Variants in ADGRL3 observed in about 807,000 individuals in gnomAD.
ADGRL3 encodes the protein adhesion G protein-coupled receptor L3, also known as calcium-independent alpha-latrotoxin receptor 3.
A neutral mutation model predicts 153.5 loss-of-function variants in ADGRL3; 62 were observed. The observed-to-expected ratio is 0.40, with a 90% confidence interval of 0.33 to 0.50. The LOEUF (loss-of-function observed/expected upper bound fraction) is 0.50, where lower values mean the gene tolerates loss of function less well. ADGRL3 is among the 20% of genes least tolerant of loss of function. The pLI, the probability that ADGRL3 is intolerant of heterozygous loss-of-function variation, is 0.47. For missense variants in ADGRL3, 1,641 were observed against 1,859.4 expected, an observed-to-expected ratio of 0.88 and a Z score of 2.16; for synonymous variants, 710 against 672.5, an observed-to-expected ratio of 1.06 and a Z score of -0.86.
chr4:61,863,876 A>T (rs577609964), intron 9 of ADGRL3, among the ~76,000 whole-genome samples: 3 of 152,204 alleles, frequency 2.0e-5, no homozygotes, highest in Non-Finnish European at 4.4e-5. Flanking sequence ...TTTTCAAAGG[A>T]TATTTTAAGT....
At chr4:61,785,357 C>A (rs759810190) in intron 8 of ADGRL3, among the ~76,000 whole-genome samples, 2 of 152,096 alleles carry the variant, frequency 1.3e-5, no homozygotes, top group African/African-American at 4.8e-5. Context: ...CAAAGTGATG[C>A]AAAATTGGCA....
intron 5 of ADGRL3, among the ~76,000 whole-genome samples, chr4:61,656,773 G>A (rs994624254): frequency 2.0e-5 from 3 of 152,078 alleles, no homozygotes; most frequent in Admixed American, 6.5e-5. Context: ...AGCTTTAACC[G>A]TATTTTCACT....
chr4:61,925,571 G>T (rs1167273002), intron 13 of ADGRL3, among the ~76,000 whole-genome samples: 2 of 152,112 alleles, frequency 1.3e-5, no homozygotes, highest in African/African-American at 4.8e-5. Context: ...GGCTCTGAGA[G>T]ATTCTACTCA....
At chr4:61,871,929 C>A (rs991219886) in intron 9 of ADGRL3, among the ~76,000 whole-genome samples, 2 of 152,160 alleles carry the variant, frequency 1.3e-5, no homozygotes, top group Non-Finnish European at 2.9e-5. Flanking sequence ...GTTACGCCTG[C>A]CTTGATAACT....
At chr4:61,911,215 T>C (rs1423192846) in intron 12 of ADGRL3, among the ~76,000 whole-genome samples, 1 of 152,190 alleles carries the variant, frequency 6.6e-6, no homozygotes, top group Non-Finnish European at 1.5e-5. Context: ...TGACTTGTTA[T>C]AGCAATACTT....
intron 8 of ADGRL3, among the ~76,000 whole-genome samples, chr4:61,786,302 TC>T (rs1325209682): frequency 6.6e-6 from 1 of 152,186 alleles, no homozygotes; most frequent in East Asian, 1.9e-4. Flanking sequence ...TTACTCTTCT[TC>T]CTATGGTTTA....
chr4:61,747,005 A>AT lies in ADGRL3; in HGVS notation c.1399+13452dup, dbSNP rs577506937. 1.2e-3 allele frequency among the ~76,000 whole-genome samples: 182 copies of AT among 152,366 alleles called. 1 individual carries two copies. Among genetic ancestry groups the AT allele is most frequent in the Non-Finnish European group, 1.5e-3 (101 of 68,042 alleles). On this transcript the variant is annotated intron_variant, in intron 8 of 26. Coordinates refer to ENST00000683033, the MANE Select transcript of ADGRL3 (RefSeq NM_001387552.1). ...AAGAGAGAATGATCAAATAGATGCA[A>AT]TAAAAAATGATAAAGGGGATATCAC...
At chr4:61,230,051 C>A (rs780741609) in intron 1 of ADGRL3, among the ~76,000 whole-genome samples, 1 of 152,016 alleles carries the variant, frequency 6.6e-6, no homozygotes, top group Non-Finnish European at 1.5e-5. Context: ...AGCTGGAATA[C>A]CATGTATCTT....
At chr4:61,221,838 G>A (rs552501152) in intron 1 of ADGRL3, among the ~76,000 whole-genome samples, 2 of 151,974 alleles carry the variant, frequency 1.3e-5, no homozygotes, top group Admixed American at 1.3e-4. Flanking sequence ...AAAAATATTC[G>A]CAATATAGTT....
At chr4:61,959,728 T>C (rs2098980735) in intron 17 of ADGRL3, among the ~76,000 whole-genome samples, 1 of 152,190 alleles carries the variant, frequency 6.6e-6, no homozygotes, top group African/African-American at 2.4e-5. Context: ...TATTTTTACT[T>C]TTTAAAGCCC....
At chr4:61,779,328 C>G (rs1172361235) in intron 8 of ADGRL3, among the ~76,000 whole-genome samples, 1 of 151,692 alleles carries the variant, frequency 6.6e-6, no homozygotes, top group African/African-American at 2.4e-5. Context: ...GGGTGGAGCC[C>G]AGCAATCTAC....
At chr4:61,439,058 G>C (rs1251382386) in intron 2 of ADGRL3, among the ~76,000 whole-genome samples, 2 of 151,506 alleles carry the variant, frequency 1.3e-5, no homozygotes, top group Non-Finnish European at 2.9e-5. Context: ...CAGAAACCCA[G>C]AAAAAAAAGA....
intron 1 of ADGRL3, among the ~76,000 whole-genome samples, chr4:61,300,826 C>A (rs2094558573): frequency 6.8e-6 from 1 of 147,230 alleles, no homozygotes; most frequent in African/African-American, 2.5e-5. Flanking sequence ...AGTGCAGTGG[C>A]GTGATCTCAG....
Position 61,788,397 on chromosome 4 carries a change from C to A in ADGRL3, c.1400-25412C>A, listed in dbSNP as rs2122640. 1.3e-3 allele frequency among the ~76,000 whole-genome samples: 202 copies of A among 151,966 alleles called. 1 individual carries two copies. The highest frequency in any genetic ancestry group is 4.6e-3 in the African/African-American group (192 of 41,460). On this transcript the variant is annotated intron_variant, in intron 8 of 26. Coordinates refer to ENST00000683033, the MANE Select transcript of ADGRL3 (RefSeq NM_001387552.1). ...ACTCCCTTATACCAGCCCAGAACCC[C>A]GTAGCTCTGCTGGGTGGCTAGACCC...
chr4:61,602,782 C>T (rs2099017139), intron 5 of ADGRL3, among the ~76,000 whole-genome samples: 2 of 152,162 alleles, frequency 1.3e-5, no homozygotes, highest in African/African-American at 4.8e-5. Flanking sequence ...AATCACAAAA[C>T]AGTTTATCCT....
chr4:62,068,149 T>C lies in ADGRL3; in HGVS notation c.3815-17T>C. The C allele has an allele frequency of 1.3e-6, 2 of 1,554,296 alleles. No individual in the cohort carries two copies. The highest frequency in any genetic ancestry group is 2.8e-5 in the African/African-American group (2 of 72,472). On this transcript the variant is annotated splice_polypyrimidine_tract_variant and intron_variant, in intron 25 of 26. Coordinates refer to ENST00000683033, the MANE Select transcript of ADGRL3 (RefSeq NM_001387552.1). ...ACTTGTTGTTTTTTCTTTCCTTTTC[T>C]TCATGCTGTCGTTTAGAGCCCTACA...
chr4:61,626,475 C>G (rs1333689752), intron 5 of ADGRL3, among the ~76,000 whole-genome samples: 1 of 151,940 alleles, frequency 6.6e-6, no homozygotes, highest in Non-Finnish European at 1.5e-5. Context: ...ACTGTCTACC[C>G]TATTGCAAAG....
At chr4:61,394,064 G>C (rs1009323854) in intron 2 of ADGRL3, among the ~76,000 whole-genome samples, 28 of 151,958 alleles carry the variant, frequency 1.8e-4, no homozygotes, top group African/African-American at 6.5e-4. Context: ...CATATAAAAA[G>C]GGTCTTATTA....
intron 13 of ADGRL3, among the ~76,000 whole-genome samples, chr4:61,928,770 C>T (rs566518431): frequency 1.7e-3 from 264 of 152,072 alleles, no homozygotes; most frequent in African/African-American, 5.9e-3. Flanking sequence ...TATCTGAACA[C>T]GTTATTCTCT....
Sources: allele counts gnomAD v4.1 joint callset (sites outside exome capture counted in the v4.1 genomes callset), GRCh38; gene constraint gnomAD v4.1.1; transcripts MANE v1.5; gene names NCBI Gene and HGNC (gene_info 2026-07-23, HGNC 2026-07-21).